LRRC47: variants seen among roughly 807,000 people sequenced by gnomAD.
LRRC47 encodes the protein leucine rich repeat containing 47, also known as leucine-rich repeat-containing protein 47.
Under a neutral mutation model 40.9 loss-of-function variants are expected in LRRC47, and 31 were observed. The observed-to-expected ratio is 0.76, with a 90% CI of 0.57 to 1.02. LRRC47 has a LOEUF of 1.02. Ranked by LOEUF, LRRC47 falls within the 50% of genes least tolerant of loss-of-function variation. The pLI is 0.00. For synonymous variants in LRRC47, 427 were observed against 371.9 expected, an observed-to-expected ratio of 1.15 and a Z score of -1.70; for missense variants, 726 against 796.1, an observed-to-expected ratio of 0.91 and a Z score of 1.06.
chr1:3,785,432 T>C, intron 2 of LRRC47: 1 of 251,416 alleles, frequency 4.0e-6, no homozygotes, highest in Non-Finnish European at 7.5e-6. Context: ...TCTTAACCTA[T>C]CAATCAGCAG....
chr1:3,785,006 A>AT, intron 3 of LRRC47, 81 bp downstream of exon 3: 1 of 1,079,166 alleles, frequency 9.3e-7, no homozygotes, highest in Non-Finnish European at 1.3e-6. Flanking sequence ...AAAAAAAAAA[A>AT]GTTCGGGCTG....
chr1:3,784,179 C>T (rs749613632), intron 3 of LRRC47, 68 bp from the exon 4 acceptor site: 35 of 1,368,794 alleles, frequency 2.6e-5, no homozygotes, highest in South Asian at 6.3e-5. Flanking sequence ...GTGTCGATTA[C>T]GGCCTTAAGC....
chr1:3,796,003 G>T lies in LRRC47; in HGVS notation c.474C>A (p.Leu158=). The T allele has an allele frequency of 6.4e-7, 1 of 1,563,608 alleles. No homozygotes were observed. The highest frequency in any genetic ancestry group is 2.4e-5 in the East Asian group (1 of 42,548). The change falls in exon 1 of 7, where the codon CTC becomes CTA. Residue 158 remains leucine, a synonymous_variant. Transcript: ENST00000378251. ...LARCAPRLQS[L]NLTGNCLDSF... is the part of the protein sequence containing the mutation. ...AGTCTAGGCAATTGCCGGTGAGGTT[G>T]AGGCTCTGCAGGCGCGGGGCGCAGC...
chr1:3,781,027 C>T lies in LRRC47; in HGVS notation c.*61G>A. On this transcript the variant is annotated 3_prime_UTR_variant, in exon 7 of 7. Coordinates refer to ENST00000378251, the MANE Select transcript of LRRC47 (RefSeq NM_020710.3). ...GGTGAAAATCTAACGGATAATTCAG[C>T]ATTGCCGCATAGAAACCTCCGCAAA... The T allele has an allele frequency of 5.1e-6, 8 of 1,573,438 alleles. No homozygotes were observed. The highest frequency in any genetic ancestry group is 6.9e-6 in the Non-Finnish European group (8 of 1,159,282).
intron 4 of LRRC47, 179 bp from the exon 5 acceptor site, chr1:3,782,942 T>C: frequency 1.7e-6 from 1 of 595,528 alleles, no homozygotes. Context: ...CTGTCATCAC[T>C]ATGGTGAGCT....
intron 2 of LRRC47, among the ~76,000 whole-genome samples, chr1:3,786,425 A>G (rs1643573959): frequency 6.6e-6 from 1 of 152,144 alleles, no homozygotes; most frequent in Non-Finnish European, 1.5e-5. Context: ...ACTTGAACCC[A>G]GGAGGCGGAC....
chr1:3,785,062 G>C (rs766987863), intron 3 of LRRC47, 25 bp downstream of exon 3: 3 of 1,546,106 alleles, frequency 1.9e-6, no homozygotes, highest in Non-Finnish European at 2.6e-6. Context: ...CTCTTCAGCA[G>C]ACCCTGCAAA....
Position 3,796,492 on chromosome 1 carries a change from G to A in LRRC47, c.-16C>T, listed in dbSNP as rs1209772505. ...CCGCCGCCATGGCGCCTCAGCTGCT[G>A]GCAGGCACCCACCCACCAGGGTGCT... On this transcript the variant is annotated 5_prime_UTR_variant, in exon 1 of 7. Transcript: ENST00000378251. The A allele has an allele frequency of 5.3e-6, 8 of 1,498,206 alleles. No homozygotes were observed. The highest frequency in any genetic ancestry group is 2.8e-5 in the East Asian group (1 of 36,170). 92.8% of individuals were successfully genotyped at this position (1,498,206 alleles called of 1,614,324 possible). A position where few individuals can be genotyped will look rare whatever the true frequency, so the allele number is the denominator to read the frequency against.
Position 3,796,333 on chromosome 1 carries a change from G to A in LRRC47, c.144C>T (p.Thr48=), listed in dbSNP as rs951037732. The part of the protein sequence containing the change: ...AGGQLPPRLF[T]LPLLHYLEVS... ...CTTCCAAGTAGTGCAGCAGCGGCAG[G>A]GTGAAAAGCCGCGGCGGCAGCTGCC... The change falls in exon 1 of 7, where the codon ACC becomes ACT. Residue 48 remains threonine, a synonymous_variant. Coordinates refer to ENST00000378251, the MANE Select transcript of LRRC47 (RefSeq NM_020710.3). The A allele has an allele frequency of 7.3e-6, 11 of 1,508,676 alleles. No homozygotes were observed. The African/African-American group carries it at 1.6e-4, about 22-fold the overall frequency. The allele number at this position is 1,508,676 out of a possible 1,614,324, so 93.5% of individuals were successfully genotyped here.
intron 1 of LRRC47, among the ~76,000 whole-genome samples, chr1:3,791,801 T>C (rs761594268): frequency 2.0e-5 from 3 of 152,124 alleles, no homozygotes; most frequent in Non-Finnish European, 4.4e-5. Context: ...TTGCCCAGGC[T>C]GGAGTGCAGT....
intron 2 of LRRC47, among the ~76,000 whole-genome samples, chr1:3,785,756 T>C (rs1643566231): frequency 6.6e-6 from 1 of 152,208 alleles, no homozygotes; most frequent in Admixed American, 6.5e-5. Context: ...CACAGAAGAA[T>C]GTGCTGGCAA....
chr1:3,785,824 G>C (rs988134372), intron 2 of LRRC47, among the ~76,000 whole-genome samples: 2 of 151,334 alleles, frequency 1.3e-5, no homozygotes, highest in African/African-American at 4.9e-5. Context: ...TACTGCAGAA[G>C]TCAGAAAACC....
At position 3,787,091 on chromosome 1, in the gene LRRC47, C is replaced by G. The variant is rs1643582862; in HGVS notation, c.835G>C (p.Glu279Gln). The change falls in exon 2 of 7, where the codon GAG becomes CAG. Residue 279 changes from glutamate to glutamine, a missense_variant. Coordinates refer to ENST00000378251, the MANE Select transcript of LRRC47 (RefSeq NM_020710.3). ...KGRAEGSEKE[E>Q]SRRKRRERKQ... ...CTCTCCCTCCTCTTCCTCCGGCTCT[C>G]TTCCTTCTCCGAGCCCTCGGCACGG... 6.2e-7 allele frequency: 1 copy of G among 1,613,800 alleles called. No homozygotes were observed. The highest frequency in any genetic ancestry group is 1.7e-5 in the Admixed American group (1 of 60,008).
chr1:3,793,275 C>A (rs1298475585), intron 1 of LRRC47, among the ~76,000 whole-genome samples: 1 of 152,060 alleles, frequency 6.6e-6, no homozygotes, highest in Admixed American at 6.6e-5. Flanking sequence ...CCATGCCCAG[C>A]TAGAGATGGG....
At position 3,796,449 on chromosome 1, in the gene LRRC47, A is replaced by G; in HGVS notation, c.28T>C (p.Trp10Arg). 6.6e-7 allele frequency: 1 copy of G among 1,520,812 alleles called. No individual in the cohort carries two copies. Among genetic ancestry groups the G allele is most frequent in the Non-Finnish European group, 8.8e-7 (1 of 1,142,540 alleles). The allele number at this position is 1,520,812 out of a possible 1,614,324, so 94.2% of individuals were successfully genotyped here. Reference protein sequence around the residue: MAAAAVSESWPELELAERER... With the variant: MAAAAVSESRPELELAERER... ...CGCTCAGCCAGCTCCAGCTCCGGCC[A>G]AGACTCTGACACCGCTGCCGCCGCC... Residue 10 changes from tryptophan to arginine, a missense_variant, in exon 1 of 7, where the codon TGG becomes CGG. By Grantham distance (101) the Trp-to-Arg change is moderately radical. Coordinates refer to ENST00000378251, the MANE Select transcript of LRRC47 (RefSeq NM_020710.3).
At chr1:3,787,477 C>T (rs7527973) in intron 1 of LRRC47, among the ~76,000 whole-genome samples, 167 bp from the exon 2 acceptor site, 34,008 of 152,164 alleles carry the variant, frequency 0.22, 4,109 homozygotes, top group Middle Eastern at 0.26. Flanking sequence ...TGAGTCACTT[C>T]CCCAGCTCTG....
intron 1 of LRRC47, among the ~76,000 whole-genome samples, chr1:3,792,113 C>T (rs1034362097): frequency 6.6e-6 from 1 of 152,194 alleles, no homozygotes; most frequent in Non-Finnish European, 1.5e-5. Flanking sequence ...CCCCACAGCA[C>T]CAGGAAGGAC....
chr1:3,785,423 C>T (rs752551013), intron 2 of LRRC47: 2 of 273,816 alleles, frequency 7.3e-6, no homozygotes, highest in Non-Finnish European at 1.4e-5. Context: ...GGAAAACTAT[C>T]TTAACCTATC....
intron 1 of LRRC47, 150 bp from the exon 2 acceptor site, chr1:3,787,460 T>C (rs1381848555): frequency 4.1e-6 from 3 of 738,988 alleles, no homozygotes; most frequent in African/African-American, 3.6e-5. Context: ...CACAAGTCAT[T>C]CACCTTTGAG....
Sources: gnomAD v4.1 joint callset for allele counts (sites outside exome capture counted in the v4.1 genomes callset) on GRCh38, gnomAD v4.1.1 for gene constraint, MANE v1.5 for transcripts, NCBI Gene and HGNC (gene_info 2026-07-23, HGNC 2026-07-21) for gene names.